EAPP: variants seen among roughly 807,000 people sequenced by gnomAD.
The protein encoded by EAPP is E2F-associated phosphoprotein.
A neutral mutation model predicts 34.3 loss-of-function variants in EAPP; 38 were observed. The observed-to-expected ratio is 1.11, with a 90% confidence interval of 0.85 to 1.45. The LOEUF is 1.45. Ranked by LOEUF, EAPP falls within the 40% of genes most tolerant of loss-of-function variation. The pLI, the probability that EAPP is intolerant of heterozygous loss-of-function variation, is 0.00. For synonymous variants in EAPP, 113 were observed against 117.6 expected (o/e 0.96, Z 0.25); for missense variants, 338 against 343.7 (o/e 0.98, Z 0.13).
At chr14:34,532,197 C>T (rs1266525286) in intron 3 of EAPP, among the ~76,000 whole-genome samples, 4 of 151,220 alleles carry the variant, frequency 2.6e-5, no homozygotes, top group Admixed American at 6.6e-5. Flanking sequence ...GTGGCTCACA[C>T]CAGTAATCCC....
chr14:34,539,447 T>A, intron 1 of EAPP, 108 bp downstream of exon 1: 1 of 1,244,960 alleles, frequency 8.0e-7, no homozygotes, highest in Non-Finnish European at 1.2e-6. Flanking sequence ...CACGACAGGC[T>A]CCCGAGCCGC....
chr14:34,521,440 CTTAGAT>C lies in EAPP; in HGVS notation c.581+3251_581+3256del, dbSNP rs569052305. Among the ~76,000 whole-genome samples the C allele has an allele frequency of 8.0e-3, 1,210 of 152,126 alleles. 13 individuals carry two copies. Among genetic ancestry groups the C allele is most frequent in the African/African-American group, 0.026 (1,068 of 41,502 alleles). On this transcript the variant is annotated intron_variant, in intron 5 of 5. Transcript: ENST00000250454. ...CTCTACTCCCTCCTGAGTACCAATT[CTTAGAT>C]TTAATCTTTTGAGATAATATTTTAT...
At chr14:34,527,386 C>T (rs1442416071) in intron 4 of EAPP, among the ~76,000 whole-genome samples, 1 of 151,756 alleles carries the variant, frequency 6.6e-6, no homozygotes, top group East Asian at 1.9e-4. Flanking sequence ...GTGCTTGAAC[C>T]CGGGAGGCGG....
intron 4 of EAPP, among the ~76,000 whole-genome samples, chr14:34,525,310 G>A (rs1204690513): frequency 3.3e-5 from 5 of 152,080 alleles, no homozygotes; most frequent in African/African-American, 1.2e-4. Flanking sequence ...GGTAAGGCGG[G>A]GTAAAAGACT....
intron 5 of EAPP, among the ~76,000 whole-genome samples, chr14:34,521,043 A>C (rs947940216): frequency 6.6e-6 from 1 of 151,876 alleles, no homozygotes; most frequent in African/African-American, 2.4e-5. Flanking sequence ...TCTCCTTCTC[A>C]AGTTTTGGAA....
chr14:34,517,870 G>A (rs1209432404), intron 5 of EAPP, among the ~76,000 whole-genome samples: 2 of 151,584 alleles, frequency 1.3e-5, no homozygotes, highest in African/African-American at 4.8e-5. Context: ...TGCCTCCCGG[G>A]TTCAAGCGAT....
chr14:34,533,488 T>C lies in EAPP; in HGVS notation c.308A>G (p.Asp103Gly), dbSNP rs1381493182. 2 of 1,606,718 alleles carry C rather than the reference T, an allele frequency of 1.2e-6. No homozygotes were observed. The highest frequency in any genetic ancestry group is 2.2e-5 in the South Asian group (2 of 89,470). The change falls in exon 3 of 6, where the codon GAT (aspartate) becomes GGT (glycine). Residue 103 changes from aspartate to glycine, a missense_variant. Asp to Gly is a moderately conservative substitution (Grantham distance 94, BLOSUM62 -1). Transcript: ENST00000250454. ...KVATAPTRYYDDIYFDSDSED... is the reference protein window; with the variant it reads ...KVATAPTRYYGDIYFDSDSED... ...GGAATCAGAATCAAAATATATATCA[T>C]CGTAGTACCTTGTCGGAGCTGTTGC...
intron 5 of EAPP, among the ~76,000 whole-genome samples, chr14:34,519,324 C>T (rs1323707801): frequency 6.6e-6 from 1 of 152,132 alleles, no homozygotes; most frequent in Non-Finnish European, 1.5e-5. Flanking sequence ...CACCTGAGGT[C>T]AGGAGTTCAA....
intron 5 of EAPP, among the ~76,000 whole-genome samples, chr14:34,521,928 C>T (rs564877026): frequency 6.6e-6 from 1 of 151,894 alleles, no homozygotes; most frequent in East Asian, 1.9e-4. Context: ...GCCACTGTGC[C>T]CGGCTGAGTT....
chr14:34,526,505 C>T (rs1043823314), intron 4 of EAPP, among the ~76,000 whole-genome samples: 1 of 151,800 alleles, frequency 6.6e-6, no homozygotes, highest in Non-Finnish European at 1.5e-5. Context: ...GGGCAGATCA[C>T]TTGAGCCTAG....
chr14:34,520,986 T>C (rs927569199), intron 5 of EAPP, among the ~76,000 whole-genome samples: 3 of 151,904 alleles, frequency 2.0e-5, no homozygotes, highest in African/African-American at 7.3e-5. Flanking sequence ...TGCCTGGGGG[T>C]GGTTTTATTT....
chr14:34,524,943 C>A (rs1880047535), intron 4 of EAPP, 136 bp from the exon 5 acceptor site: 2 of 638,900 alleles, frequency 3.1e-6, no homozygotes, highest in Non-Finnish European at 5.4e-6. Context: ...CAAGATGAAC[C>A]TGGAGCATCT....
At chr14:34,524,657 A>ATGTGTGTGTGTGTGGGTG in intron 5 of EAPP, 40 bp downstream of exon 5, 1 of 853,968 alleles carries the variant, frequency 1.2e-6, no homozygotes, top group Non-Finnish European at 1.9e-6. Context: ...CAAAATATGT[A>ATGTGTGTGTGTGTGGGTG]TGTGTGTGTG....
rs541259239 is a variant in EAPP at position 34,521,738 on chromosome 14, G to A, written c.581+2959C>T. Among the ~76,000 whole-genome samples, 208 of 150,740 alleles carry A rather than the reference G, an allele frequency of 1.4e-3. 1 individual carries two copies. Among genetic ancestry groups the A allele is most frequent in the African/African-American group, 4.7e-3 (193 of 41,112 alleles). ...CAACCTCTGCCTCCTGGGTTCAAGC[G>A]ATTCTCCTGCCTCAGCCTCCCGAGT... On this transcript the variant is annotated intron_variant, in intron 5 of 5. Coordinates refer to ENST00000250454, the MANE Select transcript of EAPP (RefSeq NM_018453.4).
intron 3 of EAPP, 151 bp downstream of exon 3, chr14:34,533,293 C>T: frequency 1.6e-6 from 1 of 634,452 alleles, no homozygotes. Flanking sequence ...CATCAGCCTC[C>T]CAAAGTGCTG....
At chr14:34,536,433 T>C (rs1264132211) in intron 1 of EAPP, 158 bp from the exon 2 acceptor site, 1 of 481,092 alleles carries the variant, frequency 2.1e-6, no homozygotes, top group Non-Finnish European at 3.5e-6. Flanking sequence ...AATAAGCCAG[T>C]TCTGCATATT....
chr14:34,534,597 T>G (rs990657775), intron 2 of EAPP, among the ~76,000 whole-genome samples: 1 of 152,206 alleles, frequency 6.6e-6, no homozygotes, highest in Non-Finnish European at 1.5e-5. Context: ...CTAAAAATAC[T>G]TTTGTAAGTT....
chr14:34,534,247 C>T (rs1384458859), intron 2 of EAPP, among the ~76,000 whole-genome samples: 1 of 151,958 alleles, frequency 6.6e-6, no homozygotes, highest in African/African-American at 2.4e-5. Context: ...ATTCCCCTGC[C>T]TGACCTTCCC....
chr14:34,526,969 G>A (rs1051154981), intron 4 of EAPP, among the ~76,000 whole-genome samples: 17 of 151,760 alleles, frequency 1.1e-4, no homozygotes, highest in African/African-American at 3.6e-4. Context: ...TCAGGAGTTC[G>A]AGACCAGCCT....
Sources: allele counts gnomAD v4.1 joint callset (sites outside exome capture counted in the v4.1 genomes callset), GRCh38; gene constraint gnomAD v4.1.1; transcripts MANE v1.5; gene names NCBI Gene and HGNC (gene_info 2026-07-23, HGNC 2026-07-21).